The following DLG5 variants were observed in gnomAD, a reference collection of about 807,000 sequenced individuals.
DLG5 encodes the protein discs large MAGUK scaffold protein 5, also known as disks large homolog 5.
A neutral mutation model predicts 189.8 loss-of-function variants in DLG5; 48 were observed. That is an observed-to-expected ratio of 0.25 (90% confidence interval 0.20 to 0.32). The LOEUF (loss-of-function observed/expected upper bound fraction) is 0.32, where lower values mean the gene tolerates loss of function less well. DLG5 is among the 10% of genes least tolerant of loss of function. The probability of loss-of-function intolerance (pLI) is 1.00; values close to 1 mark genes in which losing one functional copy is unlikely to be tolerated. For synonymous variants in DLG5, 1,016 were observed against 1,054.1 expected, an observed-to-expected ratio of 0.96 and a Z score of 0.70; for missense variants, 2,160 against 2,544.7, an observed-to-expected ratio of 0.85 and a Z score of 3.25.
At chr10:77,897,686 GA>G (rs1194889780) in intron 1 of DLG5, among the ~76,000 whole-genome samples, 12 of 149,390 alleles carry the variant, frequency 8.0e-5, no homozygotes, top group Admixed American at 4.7e-4. Flanking sequence ...AAGAGAAGGA[GA>G]GGGGGAGGGG....
At chr10:77,937,874 A>T in the DLG5 span, among the ~76,000 whole-genome samples, 3 of 104,128 alleles carry the variant, frequency 2.9e-5, no homozygotes, top group South Asian at 3.5e-4. Flanking sequence ...CACTCAGCTA[A>T]TTTTTTTTTT....
At chr10:77,885,790 G>A (rs1039015369) in intron 1 of DLG5, among the ~76,000 whole-genome samples, 3 of 152,236 alleles carry the variant, frequency 2.0e-5, no homozygotes, top group Non-Finnish European at 4.4e-5. Flanking sequence ...CCCCTCTACC[G>A]TCCAGCCCTG....
chr10:77,889,405 A>G (rs1022149896), intron 1 of DLG5: 1 of 152,526 alleles, frequency 6.6e-6, no homozygotes, highest in African/African-American at 2.4e-5. Flanking sequence ...CCTTCCCCAA[A>G]AACTCTGGGT....
chr10:77,872,125 C>T lies in DLG5; in HGVS notation c.305-2928G>A, dbSNP rs564830821. Among the ~76,000 whole-genome samples, 14 of 152,356 alleles carry T rather than the reference C, an allele frequency of 9.2e-5. No homozygotes were observed. The East Asian group carries it at 1.7e-3, about 19-fold the overall frequency. On this transcript the variant is annotated intron_variant, in intron 1 of 31. Transcript: ENST00000372391. ...GCACAAATAAATTTCCCCACTCTCA[C>T]CTCCAGAAATCTCTATGCTCAACCC...
intron 1 of DLG5, among the ~76,000 whole-genome samples, chr10:77,889,715 T>C (rs7903506): frequency 0.092 from 14,006 of 152,198 alleles, 753 homozygotes; most frequent in South Asian, 0.14. Context: ...CCTCCGTATC[T>C]TTATGCTAAG....
At chr10:77,900,083 T>C (rs1845879785) in intron 1 of DLG5, among the ~76,000 whole-genome samples, 1 of 152,150 alleles carries the variant, frequency 6.6e-6, no homozygotes, top group Non-Finnish European at 1.5e-5. Context: ...ATATATTATA[T>C]CATTTAATAA....
At chr10:77,897,814 TGTG>T (rs1461275360) in intron 1 of DLG5, among the ~76,000 whole-genome samples, 9 of 151,338 alleles carry the variant, frequency 5.9e-5, no homozygotes, top group Admixed American at 5.9e-4. Flanking sequence ...AAAAAAAGGA[TGTG>T]GTTCCCAAAA....
intron 1 of DLG5, among the ~76,000 whole-genome samples, chr10:77,910,457 C>T (rs1307596983): frequency 6.6e-6 from 1 of 152,198 alleles, no homozygotes; most frequent in Non-Finnish European, 1.5e-5. Context: ...GTGTCACTTG[C>T]TCACCCTCAC....
chr10:77,820,830 T>C (rs1589153800), intron 15 of DLG5: 2 of 512,074 alleles, frequency 3.9e-6, no homozygotes, highest in African/African-American at 3.8e-5. Flanking sequence ...AAGCTTCTTA[T>C]TAAAAAAGCA....
chr10:77,871,768 T>C (rs1191636744), intron 1 of DLG5, among the ~76,000 whole-genome samples: 1 of 151,972 alleles, frequency 6.6e-6, no homozygotes, highest in East Asian at 1.9e-4. Context: ...GGTCTTGAAC[T>C]CCTGACCTCG....
intron 1 of DLG5, among the ~76,000 whole-genome samples, chr10:77,919,194 C>G (rs533786042): frequency 6.6e-6 from 1 of 151,678 alleles, no homozygotes; most frequent in African/African-American, 2.4e-5. Flanking sequence ...CCAGCCTGGG[C>G]GACAGAGCAA....
At position 77,835,884 on chromosome 10, in the gene DLG5, G is replaced by A; in HGVS notation, c.1476C>T (p.Asn492=). The change falls in exon 8 of 32, where the codon AAC becomes AAT. Residue 492 remains asparagine, a synonymous_variant. Coordinates refer to ENST00000372391, the MANE Select transcript of DLG5 (RefSeq NM_004747.4). ...GCTTTCGAAGGATTTCAACCTCCTTGTTGGCTCTCCCAGCATCCATTGTCA... is the reference window on the plus strand; with the variant it reads ...GCTTTCGAAGGATTTCAACCTCCTTATTGGCTCTCCCAGCATCCATTGTCA... ...DTVTMDAGRA[N]KEVEILRKQC... 6.2e-7 allele frequency: 1 copy of A among 1,613,776 alleles called. No homozygotes were observed. The highest frequency in any genetic ancestry group is 2.2e-5 in the East Asian group (1 of 44,880).
At chr10:77,934,677 G>A in the DLG5 span, among the ~76,000 whole-genome samples, 8 of 152,074 alleles carry the variant, frequency 5.3e-5, no homozygotes, top group Non-Finnish European at 1.0e-4. Flanking sequence ...CTGGATTCTG[G>A]CAACAACTGA....
At chr10:77,819,702 C>T in intron 16 of DLG5, 193 bp downstream of exon 16, 2 of 1,101,920 alleles carry the variant, frequency 1.8e-6, no homozygotes, top group Non-Finnish European at 2.6e-6. Context: ...GGGGAGAAAG[C>T]ATGTTGACAA....
intron 1 of DLG5, among the ~76,000 whole-genome samples, chr10:77,907,837 G>A (rs1846109193): frequency 6.6e-6 from 1 of 152,166 alleles, no homozygotes; most frequent in Non-Finnish European, 1.5e-5. Context: ...TGACTCCTGA[G>A]TAACCCGGCC....
In DLG5 at chr10:77,819,352, G is replaced by A. The variant is rs1455771812; in HGVS notation, c.3640C>T (p.Arg1214Ter). ...VGPCSSPPAA[R>*]DAGPQGLHPS... ...TGCAAACCCTGGGGGCCAGCATCTC[G>A]GGCCGCAGGTGGAGAGCTGCAGGGG... Residue 1214 changes from arginine (R) to a stop codon, truncating the protein, a stop_gained, in exon 17 of 32, where the codon CGA (arginine) becomes TGA (stop). Transcript: ENST00000372391. LOFTEE classifies it high-confidence loss of function. 6.2e-7 allele frequency: 1 copy of A among 1,614,054 alleles called. No individual in the cohort carries two copies.
At chr10:77,830,599 G>A in intron 10 of DLG5, 142 bp downstream of exon 10, 2 of 1,376,258 alleles carry the variant, frequency 1.5e-6, no homozygotes, top group South Asian at 1.4e-5. Flanking sequence ...GACAGCTGCT[G>A]GGAAAGGATG....
rs1156884176 is a variant in DLG5, at chr10:77,842,127, C to T, written c.1191G>A (p.Met397Ile). 4 of 1,611,930 alleles carry T rather than the reference C, an allele frequency of 2.5e-6. No individual in the cohort carries two copies. Among genetic ancestry groups the T allele is most frequent in the Non-Finnish European group, 3.4e-6 (4 of 1,180,042 alleles). Residue 397 changes from methionine (M) to isoleucine (I), a missense_variant, in exon 7 of 32, where the codon ATG becomes ATA. By Grantham distance (10) the Met-to-Ile change is conservative. Around this residue, in one of 5 missense-constraint regions of DLG5, gnomAD observed 664 missense variants for 838.5 expected, o/e 0.79. Coordinates refer to ENST00000372391, the MANE Select transcript of DLG5 (RefSeq NM_004747.4). ...TAQNKDLQWE[M>I]ELLQSELTEL... ...CGGTCAGCTCTGACTGCAGCAGCTCCATCTCCCACTGCAGGTCCTTGTTCT... is the reference window on the plus strand; with the variant it reads ...CGGTCAGCTCTGACTGCAGCAGCTCTATCTCCCACTGCAGGTCCTTGTTCT...
chr10:77,803,885 CATT>C (rs1412425915), intron 27 of DLG5, among the ~76,000 whole-genome samples: 1 of 109,278 alleles, frequency 9.2e-6, no homozygotes, highest in Non-Finnish European at 1.7e-5. Flanking sequence ...AACAGGTTGG[CATT>C]TTTTTTTTTT....
Sources: gnomAD v4.1 joint callset for allele counts (sites outside exome capture counted in the v4.1 genomes callset) on GRCh38, gnomAD v4.1.1 for gene constraint, gnomAD v4.1.1 regional missense constraint, MANE v1.5 for transcripts, NCBI Gene and HGNC (gene_info 2026-07-23, HGNC 2026-07-21) for gene names.